The following MAX variants were observed in gnomAD, a reference collection of about 807,000 sequenced individuals.
MAX encodes protein max.
A neutral mutation model predicts 22.3 loss-of-function variants in MAX; 3 were observed. That is an observed-to-expected ratio of 0.13 (90% confidence interval 0.06 to 0.35). The LOEUF is 0.35. Among genes scored for constraint, MAX ranks in the 10% least tolerant of loss-of-function variants. The pLI, the probability that MAX is intolerant of heterozygous loss-of-function variation, is 1.00. For missense variants in MAX, 119 were observed against 209.4 expected (o/e 0.57, Z 2.66); for synonymous variants, 72 against 77.7 (o/e 0.93, Z 0.39).
chr14:65,017,518 TTTA>T (rs989095760), intron 3 of MAX, among the ~76,000 whole-genome samples: 4 of 152,106 alleles, frequency 2.6e-5, no homozygotes, highest in African/African-American at 9.7e-5. Flanking sequence ...TACTTGGTGT[TTTA>T]TAGTGAAGGC....
At chr14:65,065,744 G>A (rs549763649) in intron 3 of MAX, among the ~76,000 whole-genome samples, 1 of 152,266 alleles carries the variant, frequency 6.6e-6, no homozygotes, top group Admixed American at 6.5e-5. Flanking sequence ...CAAGACCAAG[G>A]CTTTACCTGC....
chr14:65,045,418 C>A (rs563451844), intron 3 of MAX, among the ~76,000 whole-genome samples: 4 of 143,910 alleles, frequency 2.8e-5, no homozygotes, highest in South Asian at 5.0e-4. Context: ...CGTCTTCCCC[C>A]CTCCCCGCCG....
At chr14:65,020,595 G>A (rs1595037175) in intron 3 of MAX, among the ~76,000 whole-genome samples, 1 of 151,688 alleles carries the variant, frequency 6.6e-6, no homozygotes, top group South Asian at 2.1e-4. Context: ...CACCACACCC[G>A]GCTAATTTTT....
chr14:65,094,130 T>C, intron 2 of MAX: 1 of 376,794 alleles, frequency 2.7e-6, no homozygotes, highest in South Asian at 2.3e-5. Flanking sequence ...CCCAACTTGC[T>C]TATGTGACAG....
In MAX at chr14:65,032,546, A is replaced by G. The variant is rs947202938; in HGVS notation, c.172-26262T>C. 1.4e-5 allele frequency: 22 copies of G among 1,583,928 alleles called. No homozygotes were observed. In the African/African-American group the frequency reaches 2.6e-4, roughly 18 times the overall value. ...GGCAAGGCGAGCAGTCCGCCCGCGG[A>G]GTTCACTGAGCCTCATTAGCTCTTC... On this transcript the variant is annotated intron_variant, in intron 3 of 3. Transcript: ENST00000341653. This position sits in a 1 kb window ranked among gnomAD's most constrained non-coding sequence, Gnocchi z 5.0.
At position 65,012,513 on chromosome 14, in the gene MAX, C is replaced by A; in HGVS notation, c.172-6229G>T. ...CAGAGTCACTCTTTGTTCTCTGTGG[C>A]TCTGGCAGGAGGTAGGGTGCTGTCA... On this transcript the variant is annotated intron_variant, in intron 3 of 3. Coordinates refer to the MAX transcript ENST00000341653. The surrounding 1 kb of genome is among the most constrained non-coding windows in gnomAD (Gnocchi z 5.0). 7.6e-7 allele frequency: 1 copy of A among 1,321,892 alleles called. No homozygotes were observed. Among genetic ancestry groups the A allele is most frequent in the Non-Finnish European group, 1.0e-6 (1 of 958,060 alleles). The allele number at this position is 1,321,892 out of a possible 1,614,324, so 81.9% of individuals were successfully genotyped here. A position where few individuals can be genotyped will look rare whatever the true frequency, so the allele number is the denominator to read the frequency against.
rs567638748 is a variant in MAX, at chr14:65,053,152, T to A, written c.171+40556A>T. The A allele has an allele frequency of 2.8e-6, 3 of 1,077,128 alleles. No individual in the cohort carries two copies. In the East Asian group the frequency reaches 9.6e-5, roughly 35 times the overall value. The allele number at this position is 1,077,128 out of a possible 1,614,324, so 66.7% of individuals were successfully genotyped here. On this transcript the variant is annotated intron_variant, in intron 3 of 3. Coordinates refer to the MAX transcript ENST00000341653. Reference sequence around the variant, plus strand: ...AGGAAGGGGAGCAGGAAACCTTGACTATTCCCCCAGGTGAGAAAGTGGAAT... The same window carrying A: ...AGGAAGGGGAGCAGGAAACCTTGACAATTCCCCCAGGTGAGAAAGTGGAAT...
intron 2 of MAX, among the ~76,000 whole-genome samples, chr14:65,094,447 T>A (rs1412994584): frequency 6.6e-6 from 1 of 152,242 alleles, no homozygotes; most frequent in African/African-American, 2.4e-5. Flanking sequence ...GAGTTCCTAT[T>A]TTTTAAAAGT....
At chr14:65,066,029 G>A (rs917052647) in intron 3 of MAX, among the ~76,000 whole-genome samples, 8 of 152,242 alleles carry the variant, frequency 5.3e-5, no homozygotes, top group African/African-American at 1.9e-4. Context: ...GGCCTCTGAA[G>A]GAAGGTGAGA....
chr14:65,049,669 A>G (rs973810742), intron 3 of MAX, among the ~76,000 whole-genome samples: 6 of 152,200 alleles, frequency 3.9e-5, no homozygotes, highest in African/African-American at 1.4e-4. Context: ...AATTTTAGCC[A>G]CAGGTTATCA....
In MAX at chr14:65,011,883, C is replaced by T. The variant is rs1018894557; in HGVS notation, c.172-5599G>A. Among the ~76,000 whole-genome samples, 1 of 151,976 alleles carries T rather than the reference C, an allele frequency of 6.6e-6. No individual in the cohort carries two copies. Among genetic ancestry groups the T allele is most frequent in the Non-Finnish European group, 1.5e-5 (1 of 68,012 alleles). On this transcript the variant is annotated intron_variant, in intron 3 of 3. Transcript: ENST00000341653. The surrounding 1 kb of genome is among the most constrained non-coding windows in gnomAD (Gnocchi z 4.0). ...TGGGCCTTGGAGAAGTCATCCCAGA[C>T]GGGGTGACTGAAATGACAGCGGCTG... is the stretch of plus-strand genomic sequence containing the variant.
intron 3 of MAX, chr14:65,091,946 T>A (rs2139864363): frequency 6.6e-6 from 1 of 152,316 alleles, no homozygotes; most frequent in East Asian, 1.9e-4. Flanking sequence ...ATGTGTTGAA[T>A]GGCATGAATG....
intron 3 of MAX, among the ~76,000 whole-genome samples, chr14:65,025,265 G>C (rs758878117): frequency 6.6e-6 from 1 of 152,140 alleles, no homozygotes; most frequent in South Asian, 2.1e-4. Context: ...CGTTCGGCAC[G>C]ATTCTATCTT....
In MAX at chr14:65,102,276, A is replaced by G. The variant is rs1454731495; in HGVS notation, c.36+28T>C. On this transcript the variant is annotated intron_variant, in intron 1 of 4. Transcript: ENST00000358664. ...CCGCTGTCCCCGCCTGACAACCCGCACGGGAAGGAAGAAGCCCCAGGACTC... is the reference window on the plus strand; with the variant it reads ...CCGCTGTCCCCGCCTGACAACCCGCGCGGGAAGGAAGAAGCCCCAGGACTC... The G allele has an allele frequency of 1.9e-6, 3 of 1,613,302 alleles. 1 individual carries two copies. The highest frequency in any genetic ancestry group is 2.7e-5 in the African/African-American group (2 of 74,978).
At chr14:65,043,101 G>A (rs1383800394) in intron 3 of MAX, among the ~76,000 whole-genome samples, 1 of 152,176 alleles carries the variant, frequency 6.6e-6, no homozygotes, top group Non-Finnish European at 1.5e-5. Context: ...GAAACAGGAA[G>A]TACCCTCCCC....
intron 3 of MAX, among the ~76,000 whole-genome samples, chr14:65,038,676 C>T (rs2062271768): frequency 6.6e-6 from 1 of 152,146 alleles, no homozygotes. Flanking sequence ...CAAGATTGTG[C>T]CACTGTACTC....
chr14:65,049,556 G>C (rs2062561189), intron 3 of MAX, among the ~76,000 whole-genome samples: 1 of 152,188 alleles, frequency 6.6e-6, no homozygotes, highest in Non-Finnish European at 1.5e-5. Flanking sequence ...GCTCCTTGTA[G>C]AGCTTTTGAA....
intron 2 of MAX, among the ~76,000 whole-genome samples, chr14:65,098,147 C>T: frequency 6.6e-6 from 1 of 152,198 alleles, no homozygotes; most frequent in East Asian, 1.9e-4. Flanking sequence ...ATAAGAACAA[C>T]TTTTACCCTA....
chr14:65,034,341 T>C (rs955463351), intron 3 of MAX, among the ~76,000 whole-genome samples: 2 of 152,216 alleles, frequency 1.3e-5, no homozygotes, highest in Non-Finnish European at 2.9e-5. Flanking sequence ...TTTTCTTATT[T>C]TCATGAAGTA....
Sources: gnomAD v4.1 joint callset for allele counts (sites outside exome capture counted in the v4.1 genomes callset) on GRCh38, gnomAD v4.1.1 for gene constraint, Gnocchi (gnomAD v3.1) non-coding constraint, MANE v1.5 for transcripts, NCBI Gene and HGNC (gene_info 2026-07-23, HGNC 2026-07-21) for gene names.